The following ASTN2 variants were observed in gnomAD, a reference collection of about 807,000 sequenced individuals.
The protein encoded by ASTN2 is astrotactin-2.
A neutral mutation model predicts 139.8 loss-of-function variants in ASTN2; 54 were observed. The observed-to-expected ratio is 0.39, with a 90% CI of 0.31 to 0.48. The LOEUF (loss-of-function observed/expected upper bound fraction) is 0.48, where lower values mean the gene tolerates loss of function less well. Ranked by LOEUF, ASTN2 falls within the 20% of genes least tolerant of loss-of-function variation. The pLI is 0.95. For missense variants in ASTN2, 1,565 were observed against 1,725.1 expected (o/e 0.91, Z 1.64); for synonymous variants, 756 against 719.5 (o/e 1.05, Z -0.81).
intron 3 of ASTN2, among the ~76,000 whole-genome samples, chr9:117,153,013 A>G (rs1182840605): frequency 6.6e-6 from 1 of 152,076 alleles, no homozygotes; most frequent in Non-Finnish European, 1.5e-5. Context: ...TTTACCCCCA[A>G]TTTCAAATCC....
At chr9:117,214,771 G>C (rs569555650) in intron 2 of ASTN2, 29 bp from the exon 3 acceptor site, 1 of 1,461,772 alleles carries the variant, frequency 6.8e-7, no homozygotes, top group Non-Finnish European at 9.0e-7. Context: ...ACACACAAAT[G>C]GGCCACTGTT....
chr9:116,445,960 A>T (rs953914180), intron 20 of ASTN2, among the ~76,000 whole-genome samples: 3 of 152,172 alleles, frequency 2.0e-5, no homozygotes, highest in African/African-American at 7.2e-5. Flanking sequence ...AAAAGTCACA[A>T]GGCCATGCGC....
intron 19 of ASTN2, among the ~76,000 whole-genome samples, chr9:116,590,576 G>T (rs1453287036): frequency 1.3e-5 from 2 of 152,236 alleles, no homozygotes; most frequent in African/African-American, 4.8e-5. Flanking sequence ...TGTGTGGAAA[G>T]GGGCAGGTCC....
At chr9:116,968,775 T>C (rs966697213) in intron 10 of ASTN2, among the ~76,000 whole-genome samples, 14 of 151,758 alleles carry the variant, frequency 9.2e-5, no homozygotes, top group Admixed American at 6.6e-4. Context: ...GTTGTGTGCC[T>C]GTAATCTCAG....
intron 19 of ASTN2, among the ~76,000 whole-genome samples, chr9:116,520,629 A>G (rs189034800): frequency 3.2e-4 from 48 of 152,284 alleles, no homozygotes; most frequent in African/African-American, 1.1e-3. Context: ...TCTGTTCAAC[A>G]TAGTAGTGGA....
At chr9:116,565,481 G>A (rs998589800) in intron 19 of ASTN2, among the ~76,000 whole-genome samples, 1 of 145,372 alleles carries the variant, frequency 6.9e-6, no homozygotes, top group African/African-American at 2.6e-5. Context: ...AGGCTGGAGT[G>A]CAGTAGTGTG....
chr9:117,310,862 A>G (rs1365304042), intron 1 of ASTN2, among the ~76,000 whole-genome samples: 2 of 152,108 alleles, frequency 1.3e-5, no homozygotes, highest in Non-Finnish European at 2.9e-5. Context: ...GGGCTCAAGC[A>G]ATCTTCCCGC....
intron 13 of ASTN2, among the ~76,000 whole-genome samples, chr9:116,786,629 GA>G (rs1310857236): frequency 4.6e-5 from 7 of 151,790 alleles, no homozygotes; most frequent in South Asian, 2.1e-4. Flanking sequence ...GAAAAGGATA[GA>G]AAAAAAACTG....
chr9:116,841,072 T>G (rs1832235590), intron 11 of ASTN2, among the ~76,000 whole-genome samples: 1 of 152,174 alleles, frequency 6.6e-6, no homozygotes, highest in Non-Finnish European at 1.5e-5. Flanking sequence ...GCCACTGCAC[T>G]CCAGCCTGGG....
chr9:116,650,918 CTTT>C (rs753094674), intron 17 of ASTN2, among the ~76,000 whole-genome samples: 5 of 142,328 alleles, frequency 3.5e-5, no homozygotes. Flanking sequence ...CCCTGCACTA[CTTT>C]TTTTTTTTTT....
intron 10 of ASTN2, among the ~76,000 whole-genome samples, chr9:116,968,191 C>T (rs1269558684): frequency 6.6e-6 from 1 of 152,194 alleles, no homozygotes; most frequent in African/African-American, 2.4e-5. Context: ...ATTCTACACT[C>T]TTTCCTACTC....
chr9:116,842,747 C>A (rs533965964), intron 11 of ASTN2, among the ~76,000 whole-genome samples: 1 of 62,580 alleles, frequency 1.6e-5, no homozygotes, highest in African/African-American at 6.2e-5. Flanking sequence ...TGGGGTGGGG[C>A]GGGGGGAGGG....
At chr9:116,830,243 A>G (rs1831766588) in intron 11 of ASTN2, among the ~76,000 whole-genome samples, 1 of 152,248 alleles carries the variant, frequency 6.6e-6, no homozygotes, top group Admixed American at 6.5e-5. Context: ...GTTCAACATT[A>G]CTATTCAGCA....
chr9:116,963,815 G>A (rs1430932698), intron 10 of ASTN2, among the ~76,000 whole-genome samples: 1 of 152,198 alleles, frequency 6.6e-6, no homozygotes, highest in Non-Finnish European at 1.5e-5. Flanking sequence ...GGCAGCACCA[G>A]CAGGAGGTTT....
intron 19 of ASTN2, among the ~76,000 whole-genome samples, chr9:116,609,379 G>GTGTATATATA (rs1448736644): frequency 8.6e-6 from 1 of 116,726 alleles, no homozygotes; most frequent in Non-Finnish European, 1.8e-5. Context: ...ATATATGGGT[G>GTGTATATATA]TATATATATA....
chr9:117,005,250 A>AT (rs35449201), intron 7 of ASTN2, among the ~76,000 whole-genome samples: 124,392 of 142,482 alleles, frequency 0.87, 56,194 homozygotes, highest in Non-Finnish European at 0.99. Context: ...AAGCCCAGCT[A>AT]TTTTTTTTTT....
intron 19 of ASTN2, among the ~76,000 whole-genome samples, chr9:116,488,211 A>G (rs2119086948): frequency 6.6e-6 from 1 of 152,338 alleles, no homozygotes. Flanking sequence ...TAACCATTGG[A>G]TTTTAAGAAG....
chr9:116,789,784 A>C (rs1486007339), intron 13 of ASTN2, among the ~76,000 whole-genome samples: 2 of 152,198 alleles, frequency 1.3e-5, no homozygotes, highest in African/African-American at 4.8e-5. Context: ...ACATGATTTC[A>C]AGTGTGACAG....
chr9:116,806,867 G>A (rs939141271), intron 12 of ASTN2, among the ~76,000 whole-genome samples: 7 of 152,074 alleles, frequency 4.6e-5, no homozygotes, highest in African/African-American at 1.4e-4. Context: ...TCTATTTATT[G>A]AGCATGTACT....
Sources: allele counts gnomAD v4.1 joint callset (sites outside exome capture counted in the v4.1 genomes callset), GRCh38; gene constraint gnomAD v4.1.1; transcripts MANE v1.5; gene names NCBI Gene and HGNC (gene_info 2026-07-23, HGNC 2026-07-21).